The following CYTH3 variants were observed in gnomAD, a reference collection of about 807,000 sequenced individuals.
CYTH3 encodes cytohesin-3.
A neutral mutation model predicts 55.1 loss-of-function variants in CYTH3; 23 were observed. The observed-to-expected ratio is 0.42, with a 90% CI of 0.30 to 0.59. The LOEUF (loss-of-function observed/expected upper bound fraction) is 0.59. Among genes scored for constraint, CYTH3 ranks in the 20% least tolerant of loss-of-function variants. The probability of loss-of-function intolerance (pLI) is 0.20; values close to 1 mark genes in which losing one functional copy is unlikely to be tolerated. For missense variants in CYTH3, 413 were observed against 524.8 expected (o/e 0.79, Z 2.08); for synonymous variants, 249 against 194.9 (o/e 1.28, Z -2.31).
intron 4 of CYTH3, among the ~76,000 whole-genome samples, chr7:6,183,590 C>A (rs980063969): frequency 6.6e-6 from 1 of 152,140 alleles, no homozygotes; most frequent in Non-Finnish European, 1.5e-5. Context: ...ACCATCCTAG[C>A]TGGAAGGAAT....
chr7:6,251,775 A>G (rs776597588), intron 1 of CYTH3, among the ~76,000 whole-genome samples: 2 of 152,168 alleles, frequency 1.3e-5, no homozygotes, highest in Non-Finnish European at 2.9e-5. Flanking sequence ...GCCTGTCCAT[A>G]AAATCAAATC....
chr7:6,211,638 T>C (rs1784321155), intron 1 of CYTH3, among the ~76,000 whole-genome samples: 1 of 152,116 alleles, frequency 6.6e-6, no homozygotes, highest in Non-Finnish European at 1.5e-5. Context: ...GGCCTAAATA[T>C]ATTCTTTTAT....
intron 1 of CYTH3, among the ~76,000 whole-genome samples, chr7:6,194,156 A>G (rs561166988): frequency 2.6e-4 from 39 of 152,330 alleles, no homozygotes; most frequent in African/African-American, 8.4e-4. Flanking sequence ...AGATACCGAA[A>G]CAGACACAAA....
intron 1 of CYTH3, among the ~76,000 whole-genome samples, chr7:6,205,875 T>TTAAAAA (rs1784174514): frequency 3.6e-5 from 1 of 28,074 alleles, no homozygotes; most frequent in African/African-American, 1.6e-4. Flanking sequence ...TCCTATCTCT[T>TTAAAAA]AAAAAAAAAA....
At chr7:6,238,565 A>G (rs1433232498) in intron 1 of CYTH3, among the ~76,000 whole-genome samples, 2 of 152,232 alleles carry the variant, frequency 1.3e-5, no homozygotes, top group Non-Finnish European at 2.9e-5. Flanking sequence ...AAATGTAAAA[A>G]GAAAGCCCTT....
chr7:6,242,250 G>C (rs1398065857), intron 1 of CYTH3, among the ~76,000 whole-genome samples: 1 of 151,076 alleles, frequency 6.6e-6, no homozygotes, highest in Non-Finnish European at 1.5e-5. Context: ...CTAATTTTTT[G>C]TATTTTTAGT....
chr7:6,174,626 C>A (rs1783293801), intron 5 of CYTH3, among the ~76,000 whole-genome samples: 2 of 146,738 alleles, frequency 1.4e-5, no homozygotes, highest in African/African-American at 5.2e-5. Context: ...TGGCCCACTG[C>A]AACCTCCACC....
In CYTH3 at chr7:6,185,655, G is replaced by A. The variant is rs181401623; in HGVS notation, c.249+1395C>T. ...GTGGAGCTTGCGGTGGGCCGAGATC[G>A]CACCACTGCACTCCAGCCTGGGCAA... On this transcript the variant is annotated intron_variant, in intron 4 of 12. Transcript: ENST00000350796. Among the ~76,000 whole-genome samples, 990 of 150,082 alleles carry A rather than the reference G, an allele frequency of 6.6e-3. 14 individuals are homozygous for A. The highest frequency in any genetic ancestry group is 0.023 in the African/African-American group (935 of 40,544).
intron 1 of CYTH3, among the ~76,000 whole-genome samples, chr7:6,209,439 A>C (rs1372724432): frequency 6.6e-6 from 1 of 152,234 alleles, no homozygotes; most frequent in Non-Finnish European, 1.5e-5. Context: ...AACTTCTGAG[A>C]TCAAACCTGA....
At position 6,259,746 on chromosome 7, in the gene CYTH3, ATATATATATAT is replaced by A. The variant is rs1442124776; in HGVS notation, c.34+12717_34+12727del. On this transcript the variant is annotated intron_variant, in intron 1 of 12. Transcript: ENST00000350796. ...AATATTTTACATACATATATATAAT[ATATATATATAT>A]TATATATATATATATTATATATATA... 1.9e-3 allele frequency among the ~76,000 whole-genome samples: 33 copies of A among 17,462 alleles called. 2 individuals carry two copies. The highest frequency in any genetic ancestry group is 7.3e-3 in the African/African-American group (27 of 3,684). 11.5% of individuals were successfully genotyped at this position (17,462 alleles called of 152,430 possible). A position where few individuals can be genotyped will look rare whatever the true frequency, so the allele number is the denominator to read the frequency against.
intron 1 of CYTH3, among the ~76,000 whole-genome samples, chr7:6,204,090 A>G (rs2128547498): frequency 6.6e-6 from 1 of 152,200 alleles, no homozygotes; most frequent in Non-Finnish European, 1.5e-5. Flanking sequence ...AAAAAAAATC[A>G]GACAGTATAA....
At chr7:6,252,659 T>C (rs996519616) in intron 1 of CYTH3, among the ~76,000 whole-genome samples, 1 of 152,204 alleles carries the variant, frequency 6.6e-6, no homozygotes, top group African/African-American at 2.4e-5. Flanking sequence ...TAGTCTCAGC[T>C]GCAGTTAAAG....
intron 2 of CYTH3, chr7:6,188,782 C>G (rs540277940): frequency 1.3e-5 from 2 of 152,166 alleles, no homozygotes; most frequent in Non-Finnish European, 2.9e-5. Context: ...ATTACGATTC[C>G]ACATTTATCC....
rs534971796 is a variant in CYTH3 at position 6,163,912 on chromosome 7, G to A, written c.*1032C>T. On this transcript the variant is annotated 3_prime_UTR_variant, in exon 13 of 13. Transcript: ENST00000350796. ...AAAAGCCGGTCTAACCTGCTGACCT[G>A]TATGAAACGCTGCCATGTGTGTGCA... is the stretch of plus-strand genomic sequence containing the variant. 7.2e-5 allele frequency: 11 copies of A among 152,342 alleles called. No homozygotes were observed. In the East Asian group the frequency reaches 7.7e-4, roughly 11 times the overall value. 9.4% of individuals were successfully genotyped at this position (152,342 alleles called of 1,614,324 possible).
At chr7:6,228,751 C>G (rs1262041211) in intron 1 of CYTH3, among the ~76,000 whole-genome samples, 1 of 152,196 alleles carries the variant, frequency 6.6e-6, no homozygotes, top group Non-Finnish European at 1.5e-5. Context: ...CCCTCACACT[C>G]AAGAACACGG....
chr7:6,187,490 C>T (rs1463904723), intron 3 of CYTH3, among the ~76,000 whole-genome samples, 167 bp downstream of exon 3: 1 of 152,152 alleles, frequency 6.6e-6, no homozygotes, highest in African/African-American at 2.4e-5. Flanking sequence ...TCCAGGGAAA[C>T]ACCCCTGGAC....
intron 1 of CYTH3, among the ~76,000 whole-genome samples, chr7:6,198,682 T>C (rs1783993182): frequency 6.6e-6 from 1 of 151,520 alleles, no homozygotes; most frequent in African/African-American, 2.4e-5. Context: ...TATTTTTGAA[T>C]GGATAAAGTA....
intron 1 of CYTH3, 79 bp from the exon 2 acceptor site, chr7:6,190,610 G>A: frequency 9.2e-7 from 1 of 1,090,042 alleles, no homozygotes; most frequent in Non-Finnish European, 1.3e-6. Flanking sequence ...GGTACATGCT[G>A]CCACCCAGCA....
intron 1 of CYTH3, among the ~76,000 whole-genome samples, chr7:6,194,701 G>A (rs1299591288): frequency 6.6e-6 from 1 of 151,548 alleles, no homozygotes; most frequent in African/African-American, 2.4e-5. Context: ...AAATAGGCCG[G>A]GCACGTGGCT....
Sources: allele counts gnomAD v4.1 joint callset (sites outside exome capture counted in the v4.1 genomes callset), GRCh38; gene constraint gnomAD v4.1.1; transcripts MANE v1.5; gene names NCBI Gene and HGNC (gene_info 2026-07-23, HGNC 2026-07-21).